Variants in PPM1E observed in about 807,000 individuals in gnomAD.
PPM1E encodes the protein protein phosphatase, Mg2+/Mn2+ dependent 1E, also known as protein phosphatase 1E.
A neutral mutation model predicts 65.9 loss-of-function variants in PPM1E; 20 were observed. The observed-to-expected ratio is 0.30, with a 90% CI of 0.21 to 0.44. The LOEUF is 0.44. PPM1E is among the 20% of genes least tolerant of loss of function. The pLI is 1.00. For synonymous variants in PPM1E, 352 were observed against 374.9 expected, an observed-to-expected ratio of 0.94 and a Z score of 0.70; for missense variants, 713 against 953.1, an observed-to-expected ratio of 0.75 and a Z score of 3.32.
At chr17:58,797,671 A>G (rs919705735) in intron 1 of PPM1E, among the ~76,000 whole-genome samples, 5 of 152,210 alleles carry the variant, frequency 3.3e-5, no homozygotes, top group East Asian at 3.8e-4. Context: ...TAAAGCTCCT[A>G]TGAACATTCT....
Position 58,841,291 on chromosome 17 carries a change from C to T in PPM1E, c.464+84830C>T, listed in dbSNP as rs1298028720. 4.6e-5 allele frequency among the ~76,000 whole-genome samples: 7 copies of T among 152,266 alleles called. No individual in the cohort carries two copies. The South Asian group carries it at 6.2e-4, about 14-fold the overall frequency. ...AGTGTGGGCTGTGCATAGTGACTTC[C>T]TTCCAGAGTCCCTTATGAAAAGTGG... is the stretch of plus-strand genomic sequence containing the variant. On this transcript the variant is annotated intron_variant, in intron 1 of 6. Coordinates refer to ENST00000308249, the MANE Select transcript of PPM1E (RefSeq NM_014906.5).
chr17:58,797,701 A>G (rs1331615449), intron 1 of PPM1E, among the ~76,000 whole-genome samples: 1 of 152,170 alleles, frequency 6.6e-6, no homozygotes, highest in Non-Finnish European at 1.5e-5. Context: ...CTTTTTGTGG[A>G]CATGGCTTGT....
chr17:58,974,574 C>T (rs1339035695), intron 6 of PPM1E, among the ~76,000 whole-genome samples: 1 of 152,094 alleles, frequency 6.6e-6, no homozygotes, highest in Non-Finnish European at 1.5e-5. Context: ...CATGGCTTAG[C>T]TTCACTTCCT....
At chr17:58,911,065 C>G (rs2051622150) in intron 1 of PPM1E, among the ~76,000 whole-genome samples, 1 of 152,116 alleles carries the variant, frequency 6.6e-6, no homozygotes, top group Non-Finnish European at 1.5e-5. Context: ...GACTTCTACA[C>G]CTAGTCTCCA....
At position 58,969,701 on chromosome 17, in the gene PPM1E, C is replaced by A; in HGVS notation, c.946C>A (p.Arg316=). The part of the protein sequence containing the change: ...LCRAFRVTDE[R]FVQKAARESL... ...CAGGGCCTTCCGGGTCACTGATGAG[C>A]GGTTTGTGCAGAAAGCAGCCAGGGA... is the stretch of plus-strand genomic sequence containing the variant. The change falls in exon 4 of 7, where the codon CGG becomes AGG. Residue 316 remains arginine (R), a synonymous_variant. Transcript: ENST00000308249. 6.2e-7 allele frequency: 1 copy of A among 1,614,072 alleles called. No individual in the cohort carries two copies. The highest frequency in any genetic ancestry group is 8.5e-7 in the Non-Finnish European group (1 of 1,180,000).
intron 1 of PPM1E, among the ~76,000 whole-genome samples, chr17:58,924,678 T>G (rs1438146908): frequency 6.6e-6 from 1 of 152,116 alleles, no homozygotes; most frequent in Non-Finnish European, 1.5e-5. Context: ...TCATCTAGGT[T>G]TTAAGCCCCA....
At chr17:58,877,053 G>A (rs1206549691) in intron 1 of PPM1E, among the ~76,000 whole-genome samples, 1 of 152,208 alleles carries the variant, frequency 6.6e-6, no homozygotes, top group African/African-American at 2.4e-5. Context: ...AAAGTGCTGG[G>A]ATTACAGGCG....
In PPM1E at chr17:58,972,121, A is replaced by G; in HGVS notation, c.973-11A>G. On this transcript the variant is annotated splice_polypyrimidine_tract_variant and intron_variant, in intron 4 of 6. Coordinates refer to ENST00000308249, the MANE Select transcript of PPM1E (RefSeq NM_014906.5). ...TTTCACTGAGTCTAGTTTTATTTAAACTGTTTTCAGAGCTTAAGATGTGGG... is the reference window on the plus strand; with the variant it reads ...TTTCACTGAGTCTAGTTTTATTTAAGCTGTTTTCAGAGCTTAAGATGTGGG... 1 of 1,606,580 alleles carries G rather than the reference A, an allele frequency of 6.2e-7. No individual in the cohort carries two copies. Among genetic ancestry groups the G allele is most frequent in the Non-Finnish European group, 8.5e-7 (1 of 1,175,458 alleles).
At chr17:58,971,651 G>C (rs752990594) in intron 4 of PPM1E, among the ~76,000 whole-genome samples, 18 of 152,140 alleles carry the variant, frequency 1.2e-4, no homozygotes, top group Non-Finnish European at 1.8e-4. Context: ...CATCTGTTGT[G>C]TACCAATCAG....
chr17:58,923,135 A>G (rs2051775000), intron 1 of PPM1E, among the ~76,000 whole-genome samples: 2 of 150,430 alleles, frequency 1.3e-5, no homozygotes, highest in Non-Finnish European at 3.0e-5. Context: ...AAATACAAAA[A>G]TTAGCTGGGC....
At chr17:58,978,508 C>T (rs1176012859) in intron 6 of PPM1E, among the ~76,000 whole-genome samples, 2 of 151,900 alleles carry the variant, frequency 1.3e-5, no homozygotes, top group African/African-American at 4.8e-5. Flanking sequence ...GTCAGGAGTT[C>T]GACGCCAGCC....
At chr17:58,921,048 A>C (rs997397671) in intron 1 of PPM1E, among the ~76,000 whole-genome samples, 3 of 152,234 alleles carry the variant, frequency 2.0e-5, no homozygotes, top group Non-Finnish European at 4.4e-5. Flanking sequence ...TAGTCCAAAT[A>C]AAATGAAGAT....
intron 1 of PPM1E, among the ~76,000 whole-genome samples, chr17:58,766,525 A>G (rs1178371777): frequency 6.6e-6 from 1 of 151,718 alleles, no homozygotes; most frequent in African/African-American, 2.4e-5. Flanking sequence ...ACATTTTTCT[A>G]TGTTGTGAAT....
At position 58,982,374 on chromosome 17, in the gene PPM1E, T is replaced by A. The variant is rs1237416462; in HGVS notation, c.*1343T>A. 6.6e-6 allele frequency: 1 copy of A among 152,268 alleles called. No individual in the cohort carries two copies. Among genetic ancestry groups the A allele is most frequent in the Non-Finnish European group, 1.5e-5 (1 of 68,138 alleles). The allele number at this position is 152,268 out of a possible 1,614,324, so 9.4% of individuals were successfully genotyped here. ...GAAGCAGCCTCTGATTCTCTAAGAG[T>A]CACGAATGTCTTAGTGTTACCCTCC... is the stretch of plus-strand genomic sequence containing the variant. On this transcript the variant is annotated 3_prime_UTR_variant, in exon 7 of 7. Transcript: ENST00000308249.
chr17:58,841,745 T>C (rs1305502191), intron 1 of PPM1E, among the ~76,000 whole-genome samples: 3 of 151,714 alleles, frequency 2.0e-5, no homozygotes, highest in African/African-American at 7.3e-5. Flanking sequence ...TCTTACTCTG[T>C]TGCCCAGGCT....
chr17:58,762,840 G>A (rs2049835457), intron 1 of PPM1E, among the ~76,000 whole-genome samples: 1 of 150,064 alleles, frequency 6.7e-6, no homozygotes, highest in Non-Finnish European at 1.5e-5. Context: ...GGAGCTTGCA[G>A]TGAGCCGAGA....
chr17:58,956,459 C>CA (rs34401263), intron 2 of PPM1E, among the ~76,000 whole-genome samples: 1,768 of 133,678 alleles, frequency 0.013, 12 homozygotes, highest in Middle Eastern at 0.046. Flanking sequence ...AAACAAAAAA[C>CA]AAAAAAAAAA....
chr17:58,756,687 C>A (rs2049770178), intron 1 of PPM1E, among the ~76,000 whole-genome samples: 1 of 149,084 alleles, frequency 6.7e-6, no homozygotes, highest in South Asian at 2.1e-4. Context: ...CGCCTCCTAC[C>A]CGGCCTTGAA....
intron 1 of PPM1E, among the ~76,000 whole-genome samples, chr17:58,936,550 G>A (rs527570503): frequency 6.6e-6 from 1 of 152,156 alleles, no homozygotes; most frequent in African/African-American, 2.4e-5. Context: ...CGCCCACATT[G>A]CCAATGTCAG....
Sources: allele counts gnomAD v4.1 joint callset (sites outside exome capture counted in the v4.1 genomes callset), GRCh38; gene constraint gnomAD v4.1.1; transcripts MANE v1.5; gene names NCBI Gene and HGNC (gene_info 2026-07-23, HGNC 2026-07-21).